RB1: variants seen among roughly 807,000 people sequenced by gnomAD.
RB1 encodes the protein RB transcriptional corepressor 1, also known as retinoblastoma-associated protein.
In RB1, 18 loss-of-function variants were observed where a neutral mutation model predicts 135.4. The observed-to-expected ratio is 0.13, with a 90% confidence interval of 0.09 to 0.20. The LOEUF (loss-of-function observed/expected upper bound fraction) is 0.20. Among genes scored for constraint, RB1 ranks in the 10% least tolerant of loss-of-function variants. RB1 has a pLI of 1.00. For missense variants in RB1, 868 were observed against 1,110.0 expected (o/e 0.78, Z 3.10); for synonymous variants, 365 against 373.2 (o/e 0.98, Z 0.25).
chr13:48,473,719 T>C (rs572081656), intron 24 of RB1, among the ~76,000 whole-genome samples: 1 of 152,302 alleles, frequency 6.6e-6, no homozygotes, highest in South Asian at 2.1e-4. Context: ...GAGATTTTTT[T>C]CTCACCCAAA....
chr13:48,412,649 T>G (rs764194948), intron 17 of RB1: 12 of 572,960 alleles, frequency 2.1e-5, no homozygotes, highest in Non-Finnish European at 3.8e-5. Flanking sequence ...TTTTCATTTG[T>G]TAGTCTTTAG....
intron 17 of RB1, among the ~76,000 whole-genome samples, chr13:48,402,429 G>A (rs550659145): frequency 7.7e-6 from 1 of 130,478 alleles, no homozygotes; most frequent in East Asian, 2.5e-4. Flanking sequence ...CCAGGCTGGA[G>A]TGCAATGACA....
chr13:48,466,184 G>T (rs1227846780), intron 23 of RB1, among the ~76,000 whole-genome samples: 2 of 123,404 alleles, frequency 1.6e-5, no homozygotes, highest in African/African-American at 5.9e-5. Flanking sequence ...GAGAGCAGTG[G>T]TTCTCCCAGC....
chr13:48,400,985 G>A (rs1948686893), intron 17 of RB1, among the ~76,000 whole-genome samples: 1 of 152,108 alleles, frequency 6.6e-6, no homozygotes, highest in Non-Finnish European at 1.5e-5. Flanking sequence ...AAAAAGTTCA[G>A]GGGGAAAAGG....
intron 17 of RB1, among the ~76,000 whole-genome samples, chr13:48,414,210 A>C (rs2138212026): frequency 6.6e-6 from 1 of 152,142 alleles, no homozygotes; most frequent in Middle Eastern, 3.4e-3. Context: ...AGCCTAGGGC[A>C]ATAGTGCGTG....
chr13:48,307,970 A>T (rs1952098700), intron 2 of RB1, among the ~76,000 whole-genome samples: 1 of 151,850 alleles, frequency 6.6e-6, no homozygotes, highest in Non-Finnish European at 1.5e-5. Flanking sequence ...GACTTTTAAA[A>T]AAACACCGCC....
intron 17 of RB1, among the ~76,000 whole-genome samples, chr13:48,421,772 C>A (rs891792982): frequency 6.6e-6 from 1 of 152,146 alleles, no homozygotes; most frequent in African/African-American, 2.4e-5. Flanking sequence ...AACAAAAGCT[C>A]ATCATCAGCG....
In RB1 at chr13:48,360,053, C is replaced by T. The variant is rs768305224; in HGVS notation, c.644C>T (p.Ser215Leu). 5.6e-6 allele frequency: 9 copies of T among 1,612,326 alleles called. No individual in the cohort carries two copies. Among genetic ancestry groups the T allele is most frequent in the Non-Finnish European group, 7.6e-6 (9 of 1,179,124 alleles). Reference sequence around the variant, plus strand: ...CAAATGGAAGATGATCTGGTGATTTCATTTCAGTTAATGCTATGTGTCCTT... The same window carrying T: ...CAAATGGAAGATGATCTGGTGATTTTATTTCAGTTAATGCTATGTGTCCTT... Reference protein sequence around the residue: ...VLQMEDDLVISFQLMLCVLDY... With the variant: ...VLQMEDDLVILFQLMLCVLDY... The change falls in exon 7 of 27, where the codon TCA (serine) becomes TTA (leucine). Residue 215 changes from serine (S) to leucine (L), a missense_variant. This residue lies in a region of RB1 where 641 missense variants were observed against 791.3 expected (regional missense o/e 0.81). Transcript: ENST00000267163.
chr13:48,304,488 G>GTATTTTCTT (rs1269342396), intron 1 of RB1, among the ~76,000 whole-genome samples: 1 of 152,220 alleles, frequency 6.6e-6, no homozygotes, highest in Non-Finnish European at 1.5e-5. Flanking sequence ...CAGTTGGGAA[G>GTATTTTCTT]TATTTTCTTC....
At chr13:48,311,101 T>C (rs1219949458) in intron 2 of RB1, among the ~76,000 whole-genome samples, 3 of 152,178 alleles carry the variant, frequency 2.0e-5, no homozygotes, top group African/African-American at 7.2e-5. Flanking sequence ...TGTAATTATA[T>C]TGTAGCTATA....
intron 21 of RB1, among the ~76,000 whole-genome samples, chr13:48,464,163 A>T (rs1368522085): frequency 6.6e-6 from 1 of 152,198 alleles, no homozygotes; most frequent in Non-Finnish European, 1.5e-5. Flanking sequence ...TTATTACTTT[A>T]TAGGAAAAGC....
chr13:48,419,422 C>T, intron 17 of RB1, among the ~76,000 whole-genome samples: 1 of 152,122 alleles, frequency 6.6e-6, no homozygotes, highest in East Asian at 1.9e-4. Flanking sequence ...TAAATGCCCA[C>T]AGGAGAAAGC....
chr13:48,459,594 A>G (rs1949382579), intron 19 of RB1, 94 bp from the exon 20 acceptor site: 18 of 1,295,382 alleles, frequency 1.4e-5, no homozygotes, highest in South Asian at 1.2e-4. Context: ...GCTACTTAAC[A>G]GCATTATAAT....
At chr13:48,335,981 A>G (rs1278937317) in intron 2 of RB1, among the ~76,000 whole-genome samples, 1 of 152,038 alleles carries the variant, frequency 6.6e-6, no homozygotes, top group Non-Finnish European at 1.5e-5. Context: ...AAGTTGTGAG[A>G]GGAAAAGAGA....
intron 2 of RB1, among the ~76,000 whole-genome samples, chr13:48,326,636 G>A (rs1374408452): frequency 6.6e-6 from 1 of 151,980 alleles, no homozygotes; most frequent in Non-Finnish European, 1.5e-5. Flanking sequence ...TTTACCTGGG[G>A]CTTATTCTAA....
rs118016081 is a variant in RB1 at position 48,329,615 on chromosome 13, A to C, written c.265-12984A>C. Reference sequence around the variant, plus strand: ...TCCCAGACCACGAGACTTAATGGTTAATGATCTCTTTCAGTTCTCTTTCAA... The same window carrying C: ...TCCCAGACCACGAGACTTAATGGTTCATGATCTCTTTCAGTTCTCTTTCAA... On this transcript the variant is annotated intron_variant, in intron 2 of 26. Coordinates refer to ENST00000267163, the MANE Select transcript of RB1 (RefSeq NM_000321.3). 1.7e-4 allele frequency among the ~76,000 whole-genome samples: 26 copies of C among 152,280 alleles called. No individual in the cohort carries two copies. In the East Asian group the frequency reaches 5.0e-3, roughly 29 times the overall value.
chr13:48,380,071 A>C lies in RB1; in HGVS notation c.1408A>C (p.Ile470Leu), dbSNP rs139960834. The change falls in exon 15 of 27, where the codon ATT becomes CTT. Residue 470 changes from isoleucine (I) to leucine (L), a missense_variant. Transcript: ENST00000267163. ...GTTTCAGGAAGAAGAACGATTATCCATTCAAAATTTTAGGTAAATTTTTTA... is the reference window on the plus strand; with the variant it reads ...GTTTCAGGAAGAAGAACGATTATCCCTTCAAAATTTTAGGTAAATTTTTTA... ...MLKSEEERLS[I>L]QNFSKLLNDN... 1 of 1,382,460 alleles carries C rather than the reference A, an allele frequency of 7.2e-7. No individual in the cohort carries two copies. The highest frequency in any genetic ancestry group is 1.5e-5 in the African/African-American group (1 of 66,664). 85.6% of individuals were successfully genotyped at this position (1,382,460 alleles called of 1,614,324 possible).
chr13:48,314,499 G>C (rs930233236), intron 2 of RB1, among the ~76,000 whole-genome samples: 1 of 151,506 alleles, frequency 6.6e-6, no homozygotes, highest in Non-Finnish European at 1.5e-5. Flanking sequence ...ATTTTTTTTG[G>C]ATAAGAGCAG....
intron 20 of RB1, among the ~76,000 whole-genome samples, chr13:48,462,263 A>G (rs1949410685): frequency 1.3e-5 from 2 of 152,034 alleles, no homozygotes; most frequent in South Asian, 4.1e-4. Context: ...AGCTGGGACT[A>G]TAGGCACACA....
Sources: allele counts gnomAD v4.1 joint callset (sites outside exome capture counted in the v4.1 genomes callset), GRCh38; gene constraint gnomAD v4.1.1; regional missense constraint gnomAD v4.1.1; transcripts MANE v1.5; gene names NCBI Gene and HGNC (gene_info 2026-07-23, HGNC 2026-07-21).